UTRN: variants seen among roughly 807,000 people sequenced by gnomAD.
UTRN encodes utrophin.
In UTRN, 283 loss-of-function variants were observed where a neutral mutation model predicts 463.9. The observed-to-expected ratio is 0.61, with a 90% CI of 0.55 to 0.67. The LOEUF (loss-of-function observed/expected upper bound fraction) is 0.67, where lower values mean the gene tolerates loss of function less well. Among genes scored for constraint, UTRN ranks in the 30% least tolerant of loss-of-function variants. UTRN has a pLI of 0.00. For synonymous variants in UTRN, 1,442 were observed against 1,431.5 expected, an observed-to-expected ratio of 1.01 and a Z score of -0.17; for missense variants, 3,922 against 4,084.3, an observed-to-expected ratio of 0.96 and a Z score of 1.08.
At chr6:144,522,289 A>G in intron 40 of UTRN, 118 bp downstream of exon 40, 1 of 773,208 alleles carries the variant, frequency 1.3e-6, no homozygotes, top group Non-Finnish European at 1.9e-6. Context: ...CAGGGGATTA[A>G]TAATATGTAT....
At chr6:144,708,564 A>C (rs1167560935) in intron 53 of UTRN, 1 of 297,888 alleles carries the variant, frequency 3.4e-6, no homozygotes, top group African/African-American at 2.2e-5. Flanking sequence ...ATTTACATTC[A>C]AGGGAGATCC....
chr6:144,658,290 T>C (rs1166012033), intron 51 of UTRN, among the ~76,000 whole-genome samples: 2 of 152,200 alleles, frequency 1.3e-5, no homozygotes, highest in African/African-American at 4.8e-5. Context: ...AAAATTTGTA[T>C]AGATGGGCAT....
chr6:144,698,675 A>G (rs1784260937), intron 52 of UTRN, among the ~76,000 whole-genome samples: 2 of 152,258 alleles, frequency 1.3e-5, no homozygotes, highest in Non-Finnish European at 2.9e-5. Flanking sequence ...CCAGCCCACC[A>G]GTGGGCCTGA....
rs148974992 is a variant in UTRN, at chr6:144,407,090, G to A, written c.141+3906G>A. 2.0e-5 allele frequency among the ~76,000 whole-genome samples: 3 copies of A among 152,004 alleles called. No homozygotes were observed. In the East Asian group the frequency reaches 5.8e-4, roughly 29 times the overall value. On this transcript the variant is annotated intron_variant, in intron 3 of 74. Transcript: ENST00000367545. ...GCTCCCAGACTAGGGTAGATAAGCT[G>A]TATACTCTCAAAGTGTTATGATTTG...
chr6:144,836,165 G>T (rs1294484304), intron 70 of UTRN, 136 bp from the exon 71 acceptor site: 11 of 1,464,326 alleles, frequency 7.5e-6, no homozygotes, highest in Non-Finnish European at 1.0e-5. Context: ...TTTTATTCCT[G>T]CATGCTCATC....
At chr6:144,701,285 G>A (rs1784565614) in intron 53 of UTRN, among the ~76,000 whole-genome samples, 1 of 150,752 alleles carries the variant, frequency 6.6e-6, no homozygotes, top group Admixed American at 6.6e-5. Context: ...TATCTTGTTT[G>A]TGTTTAATAA....
At chr6:144,669,956 GGTGTGTGTGTGTGTGT>G (rs35769043) in intron 51 of UTRN, among the ~76,000 whole-genome samples, 2 of 147,898 alleles carry the variant, frequency 1.4e-5, no homozygotes, top group Admixed American at 6.8e-5. Flanking sequence ...AGTATTCCAT[GGTGTGTGTGTGTGTGT>G]GTGTGTGTGT....
In UTRN at chr6:144,804,704, T is replaced by C. The variant is rs1777991353; in HGVS notation, c.9357+1557T>C. On this transcript the variant is annotated intron_variant, in intron 65 of 74. Coordinates refer to ENST00000367545, the MANE Select transcript of UTRN (RefSeq NM_007124.3). ...GGATTCTACCATTCCAGAGAGAGAC[T>C]GGGAGACAGGGGTCCTATCCTTCCT... Among the ~76,000 whole-genome samples the C allele has an allele frequency of 2.0e-5, 3 of 150,410 alleles. No individual in the cohort carries two copies. In the South Asian group the frequency reaches 6.3e-4, roughly 32 times the overall value.
chr6:144,381,675 G>A (rs541138774), intron 2 of UTRN, among the ~76,000 whole-genome samples: 9 of 152,264 alleles, frequency 5.9e-5, no homozygotes, highest in South Asian at 4.1e-4. Context: ...ATAAAGAGGC[G>A]TTTCCCTGCA....
intron 6 of UTRN, among the ~76,000 whole-genome samples, chr6:144,424,748 G>A (rs1459988309): frequency 6.6e-6 from 1 of 152,060 alleles, no homozygotes; most frequent in Admixed American, 6.6e-5. Flanking sequence ...TTTCCTAAAT[G>A]TTACCAGTTG....
At chr6:144,806,379 C>G (rs557608252) in intron 65 of UTRN, among the ~76,000 whole-genome samples, 1 of 152,296 alleles carries the variant, frequency 6.6e-6, no homozygotes, top group African/African-American at 2.4e-5. Context: ...TTCAAGACAT[C>G]CTTTGCCCAT....
chr6:144,493,888 A>G (rs1438769085), intron 33 of UTRN, among the ~76,000 whole-genome samples: 1 of 152,202 alleles, frequency 6.6e-6, no homozygotes, highest in Non-Finnish European at 1.5e-5. Flanking sequence ...CTGTAGTCCT[A>G]GCTACCTGGG....
chr6:144,784,045 A>T (rs1194163844), intron 61 of UTRN, among the ~76,000 whole-genome samples: 4 of 152,242 alleles, frequency 2.6e-5, no homozygotes, highest in Non-Finnish European at 5.9e-5. Context: ...TCACCAAAAT[A>T]GTTGGTCAAA....
intron 2 of UTRN, among the ~76,000 whole-genome samples, chr6:144,402,659 A>C (rs972247294): frequency 6.6e-6 from 1 of 152,230 alleles, no homozygotes; most frequent in African/African-American, 2.4e-5. Flanking sequence ...GTCATTCTAG[A>C]GGGTGTAGGA....
At chr6:144,648,501 G>A in intron 51 of UTRN, among the ~76,000 whole-genome samples, 1 of 152,070 alleles carries the variant, frequency 6.6e-6, no homozygotes, top group East Asian at 1.9e-4. Flanking sequence ...TCACAAGAGG[G>A]CAGCACTTTC....
chr6:144,548,397 C>T (rs953002629), intron 46 of UTRN, among the ~76,000 whole-genome samples: 8 of 152,116 alleles, frequency 5.3e-5, no homozygotes, highest in African/African-American at 1.9e-4. Context: ...TAATTTTTCT[C>T]AGTGTCAGTG....
At chr6:144,447,101 T>C (rs890549406) in intron 14 of UTRN, 110 bp from the exon 15 acceptor site, 33 of 932,626 alleles carry the variant, frequency 3.5e-5, no homozygotes, top group Non-Finnish European at 5.0e-5. Flanking sequence ...CTTATCCCCA[T>C]GTAAGGGTGA....
chr6:144,728,076 G>C (rs908266085), intron 53 of UTRN, among the ~76,000 whole-genome samples: 1 of 145,992 alleles, frequency 6.8e-6, no homozygotes, highest in Non-Finnish European at 1.5e-5. Context: ...ACTCCAGCCT[G>C]GGTGACAGAG....
intron 13 of UTRN, among the ~76,000 whole-genome samples, chr6:144,443,893 G>T (rs1034491953): frequency 6.6e-6 from 1 of 151,944 alleles, no homozygotes; most frequent in African/African-American, 2.4e-5. Context: ...AGACATGCTG[G>T]TTTTTTTAGC....
Sources: gnomAD v4.1 joint callset for allele counts (sites outside exome capture counted in the v4.1 genomes callset) on GRCh38, gnomAD v4.1.1 for gene constraint, MANE v1.5 for transcripts, NCBI Gene and HGNC (gene_info 2026-07-23, HGNC 2026-07-21) for gene names.